PIGN: variants seen among roughly 807,000 people sequenced by gnomAD.
PIGN encodes the protein GPI ethanolamine phosphate transferase 1.
PIGN carries 117 observed loss-of-function variants against 125.4 expected under a neutral mutation model. The observed-to-expected ratio is 0.93, with a 90% CI of 0.80 to 1.09. The LOEUF is 1.09. PIGN is among the 50% of genes least tolerant of loss of function. PIGN has a pLI of 0.00. For missense variants in PIGN, 1,075 were observed against 1,094.9 expected (o/e 0.98, Z 0.26); for synonymous variants, 392 against 377.8 (o/e 1.04, Z -0.44).
At chr18:62,103,074 T>G (rs560603154) in intron 20 of PIGN, among the ~76,000 whole-genome samples, 172 bp from the exon 21 acceptor site, 1 of 152,310 alleles carries the variant, frequency 6.6e-6, no homozygotes, top group East Asian at 1.9e-4. Context: ...TTTTAAGTTT[T>G]AAGATTTTAA....
chr18:62,074,391 T>TTTCC (rs1205545652), intron 29 of PIGN, among the ~76,000 whole-genome samples: 1 of 152,214 alleles, frequency 6.6e-6, no homozygotes, highest in African/African-American at 2.4e-5. Context: ...GTATTTCCTG[T>TTTCC]TTCCTTCCTT....
intron 28 of PIGN, chr18:62,075,328 C>A (rs1450368881): frequency 6.6e-6 from 1 of 152,404 alleles, no homozygotes; most frequent in Non-Finnish European, 1.5e-5. Context: ...TAATCCCTCA[C>A]CCCTGAGAGC....
intron 7 of PIGN, among the ~76,000 whole-genome samples, chr18:62,151,970 G>A (rs982977420): frequency 2.6e-5 from 4 of 152,188 alleles, no homozygotes; most frequent in Non-Finnish European, 4.4e-5. Context: ...ATGACACAGT[G>A]CTCAGGAGAT....
intron 1 of PIGN, among the ~76,000 whole-genome samples, chr18:62,185,386 T>TA (rs916036760): frequency 2.6e-5 from 4 of 152,106 alleles, no homozygotes; most frequent in African/African-American, 7.2e-5. Context: ...TAATGTCCTA[T>TA]AAAAAAATAG....
At chr18:62,057,538 A>G (rs2145305681) in intron 30 of PIGN, among the ~76,000 whole-genome samples, 1 of 152,310 alleles carries the variant, frequency 6.6e-6, no homozygotes, top group Non-Finnish European at 1.5e-5. Context: ...ATACCACGAA[A>G]GCCTCTTCCT....
At chr18:62,076,750 T>C (rs2033192618) in intron 28 of PIGN, among the ~76,000 whole-genome samples, 1 of 152,228 alleles carries the variant, frequency 6.6e-6, no homozygotes. Context: ...ATAATTCACA[T>C]ATGCAGATAT....
At chr18:62,084,181 A>G (rs1332944674) in intron 27 of PIGN, among the ~76,000 whole-genome samples, 3 of 152,192 alleles carry the variant, frequency 2.0e-5, no homozygotes, top group Non-Finnish European at 2.9e-5. Flanking sequence ...GCTTATGAGA[A>G]AAGATTATGT....
At chr18:62,161,990 T>C (rs2036970124) in intron 3 of PIGN, among the ~76,000 whole-genome samples, 1 of 152,178 alleles carries the variant, frequency 6.6e-6, no homozygotes, top group African/African-American at 2.4e-5. Context: ...CATATGAAGT[T>C]AAATTTCATC....
intron 14 of PIGN, among the ~76,000 whole-genome samples, chr18:62,130,868 CA>C (rs960716176): frequency 4.8e-4 from 73 of 152,048 alleles, no homozygotes; most frequent in African/African-American, 1.7e-3. Flanking sequence ...ACAGAGAAAG[CA>C]GGATAAAAAG....
At chr18:62,161,036 C>G in intron 4 of PIGN, 97 bp downstream of exon 4, 1 of 738,092 alleles carries the variant, frequency 1.4e-6, no homozygotes, top group South Asian at 1.9e-5. Context: ...ATCATCACCC[C>G]TGTGCCCAGT....
chr18:62,110,860 C>CATAT, intron 16 of PIGN, among the ~76,000 whole-genome samples: 1 of 146,682 alleles, frequency 6.8e-6, no homozygotes, highest in East Asian at 2.0e-4. Context: ...ATATATAATA[C>CATAT]ATATATATAT....
rs375012504 is a variant in PIGN, at chr18:62,168,853, AT to A, written c.-235-5198del. The stretch of plus-strand genomic sequence containing the variant: ...TACCCCATTTCCTAGACAACCACTA[AT>A]TTTTTTTTTTTTTTTTTTTGAGACG... On this transcript the variant is annotated intron_variant, in intron 1 of 30. Transcript: ENST00000640252. 2.5e-3 allele frequency among the ~76,000 whole-genome samples: 307 copies of A among 122,236 alleles called. 1 individual carries two copies. Among genetic ancestry groups the A allele is most frequent in the South Asian group, 8.7e-3 (32 of 3,664 alleles). The allele number at this position is 122,236 out of a possible 152,430, so 80.2% of individuals were successfully genotyped here.
rs139813212 is a variant in PIGN, at chr18:62,136,899, T to C, written c.1172+1344A>G. 276 of 392,028 alleles carry C rather than the reference T, an allele frequency of 7.0e-4. 1 individual carries two copies. Among genetic ancestry groups the C allele is most frequent in the African/African-American group, 5.1e-3 (247 of 48,574 alleles). The allele number at this position is 392,028 out of a possible 1,614,324, so 24.3% of individuals were successfully genotyped here. On this transcript the variant is annotated intron_variant, in intron 14 of 30. Coordinates refer to ENST00000640252, the MANE Select transcript of PIGN (RefSeq NM_176787.5). ...CAAGGAAAACACATCTTCCTGGACC[T>C]GGGACAGCAAAATCTGCTGCTCACC... is the stretch of plus-strand genomic sequence containing the variant.
chr18:62,112,477 A>G (rs117278203), intron 16 of PIGN: 5 of 152,270 alleles, frequency 3.3e-5, no homozygotes, highest in Non-Finnish European at 7.4e-5. Context: ...TAAAAGAGTA[A>G]AGTGTTTTAA....
At chr18:62,146,892 T>C (rs2036349886) in intron 9 of PIGN, 79 bp downstream of exon 9, 1 of 1,450,970 alleles carries the variant, frequency 6.9e-7, no homozygotes, top group South Asian at 1.2e-5. Flanking sequence ...TCTAATCCTC[T>C]CAACATCATA....
At chr18:62,052,396 T>A (rs1410361883) in intron 30 of PIGN, 15 of 151,246 alleles carry the variant, frequency 9.9e-5, no homozygotes, top group African/African-American at 3.4e-4. Context: ...CTGTATTGGG[T>A]GCATATATAT....
Position 62,109,889 on chromosome 18 carries a change from T to G in PIGN, c.1519A>C (p.Thr507Pro), listed in dbSNP as rs959667073. ...FFLLIQACPWTYYVYGLLPLP... is the reference protein window; with the variant it reads ...FFLLIQACPWPYYVYGLLPLP... ...GGCAACAAACCATATACATAATATG[T>G]CCAGGGACAGGCTTGAATCAGCAGA... Residue 507 changes from threonine to proline, a missense_variant, in exon 17 of 31, where the codon ACA (threonine) becomes CCA (proline). By Grantham distance (38) the Thr-to-Pro change is conservative (BLOSUM62 -1). Around this residue, in one of 3 missense-constraint regions of PIGN, gnomAD observed 915 missense variants for 908.7 expected, o/e 1.01. Transcript: ENST00000640252. 6.2e-7 allele frequency: 1 copy of G among 1,613,260 alleles called. No individual in the cohort carries two copies. The highest frequency in any genetic ancestry group is 8.5e-7 in the Non-Finnish European group (1 of 1,179,410).
At chr18:62,019,488 C>T (rs376520338) in intron 23 of PIGN, among the ~76,000 whole-genome samples, 3 of 152,334 alleles carry the variant, frequency 2.0e-5, no homozygotes, top group African/African-American at 7.2e-5. Context: ...GCTCTAGACA[C>T]ATTTTAGTTT....
intron 25 of PIGN, among the ~76,000 whole-genome samples, chr18:62,087,347 AT>A (rs1197012640): frequency 1.3e-5 from 2 of 152,216 alleles, no homozygotes; most frequent in Non-Finnish European, 1.5e-5. Flanking sequence ...AACTGAATAG[AT>A]TTGAGTGATC....
Sources: allele counts gnomAD v4.1 joint callset (sites outside exome capture counted in the v4.1 genomes callset), GRCh38; gene constraint gnomAD v4.1.1; regional missense constraint gnomAD v4.1.1; transcripts MANE v1.5; gene names NCBI Gene and HGNC (gene_info 2026-07-23, HGNC 2026-07-21).